Variants in MAPKAP1 observed in about 807,000 individuals in gnomAD.
MAPKAP1 encodes MAPK associated protein 1.
In MAPKAP1, 20 loss-of-function variants were observed where a neutral mutation model predicts 65.7. The observed-to-expected ratio is 0.30, with a 90% CI of 0.21 to 0.44. MAPKAP1 has a LOEUF of 0.44. MAPKAP1 is among the 20% of genes least tolerant of loss of function. MAPKAP1 has a pLI of 1.00. For synonymous variants in MAPKAP1, 222 were observed against 244.3 expected (o/e 0.91, Z 0.85); for missense variants, 423 against 648.0 (o/e 0.65, Z 3.77).
intron 6 of MAPKAP1, among the ~76,000 whole-genome samples, chr9:125,543,761 G>A (rs1026184773): frequency 1.4e-4 from 22 of 152,284 alleles, no homozygotes; most frequent in Middle Eastern, 3.4e-3. Context: ...TTGAACCTAA[G>A]TGGTCTGTGT....
At chr9:125,449,571 T>C (rs1312421046) in intron 10 of MAPKAP1, among the ~76,000 whole-genome samples, 1 of 152,166 alleles carries the variant, frequency 6.6e-6, no homozygotes, top group African/African-American at 2.4e-5. Context: ...AATCTGGATA[T>C]GTAGAACTGT....
At chr9:125,636,538 GCCAGAACAATCA>G (rs1833429853) in intron 4 of MAPKAP1, among the ~76,000 whole-genome samples, 1 of 152,292 alleles carries the variant, frequency 6.6e-6, no homozygotes, top group Admixed American at 6.5e-5. Flanking sequence ...ATCTAATAGT[GCCAGAACAATCA>G]CCATCCTTGA....
At chr9:125,544,934 C>T (rs1830377815) in intron 6 of MAPKAP1, among the ~76,000 whole-genome samples, 1 of 152,216 alleles carries the variant, frequency 6.6e-6, no homozygotes, top group South Asian at 2.1e-4. Flanking sequence ...TAATTTGCTT[C>T]CCTAATACAG....
At chr9:125,455,503 GA>G (rs1311663680) in intron 10 of MAPKAP1, among the ~76,000 whole-genome samples, 1 of 150,912 alleles carries the variant, frequency 6.6e-6, no homozygotes, top group Non-Finnish European at 1.5e-5. Flanking sequence ...CAAGAAGAGA[GA>G]AAAAAAATTT....
At chr9:125,702,020 A>G (rs1835613749) in intron 1 of MAPKAP1, among the ~76,000 whole-genome samples, 1 of 152,254 alleles carries the variant, frequency 6.6e-6, no homozygotes, top group Non-Finnish European at 1.5e-5. Context: ...GTTGGAGTTC[A>G]CAATCAGGCA....
intron 1 of MAPKAP1, among the ~76,000 whole-genome samples, chr9:125,688,241 C>T (rs565933778): frequency 6.6e-6 from 1 of 152,170 alleles, no homozygotes; most frequent in South Asian, 2.1e-4. Flanking sequence ...CAGGTTCAAG[C>T]GATTCTCCTA....
intron 7 of MAPKAP1, among the ~76,000 whole-genome samples, chr9:125,538,984 C>A (rs981918078): frequency 2.6e-5 from 4 of 152,196 alleles, no homozygotes; most frequent in Non-Finnish European, 5.9e-5. Context: ...GTTTACTCCC[C>A]CTCTGCTCCT....
chr9:125,495,623 A>G (rs945437484), intron 8 of MAPKAP1, among the ~76,000 whole-genome samples: 2 of 152,234 alleles, frequency 1.3e-5, no homozygotes, highest in African/African-American at 2.4e-5. Flanking sequence ...TTACTACCTA[A>G]TGATAAAACG....
In MAPKAP1 at chr9:125,519,278, G is replaced by GC. The variant is rs146742969; in HGVS notation, c.959-12862dup. ...GTAGACCACAGAAGCTTCCAGTGCTGCTTAAAGGGGTTGAGCAGGCAAAGG... is the reference window on the plus strand; with the variant it reads ...GTAGACCACAGAAGCTTCCAGTGCTGCCTTAAAGGGGTTGAGCAGGCAAAGG... On this transcript the variant is annotated intron_variant, in intron 7 of 11. Transcript: ENST00000265960. 2.0e-3 allele frequency among the ~76,000 whole-genome samples: 311 copies of GC among 152,278 alleles called. 5 individuals are homozygous for GC. The East Asian group carries it at 0.058, about 29-fold the overall frequency.
chr9:125,651,370 C>T (rs892681199), intron 4 of MAPKAP1, among the ~76,000 whole-genome samples: 3 of 151,984 alleles, frequency 2.0e-5, no homozygotes, highest in South Asian at 2.1e-4. Context: ...TTTGGGAGGC[C>T]GAGGCGGGCA....
intron 7 of MAPKAP1, chr9:125,521,679 A>G: frequency 6.3e-7 from 1 of 1,590,480 alleles, no homozygotes; most frequent in Non-Finnish European, 8.5e-7. Context: ...CATCCAGTCC[A>G]GTACTCAAAA....
chr9:125,559,546 T>C (rs1293805947), intron 6 of MAPKAP1, 87 bp downstream of exon 6: 2 of 1,236,902 alleles, frequency 1.6e-6, no homozygotes, highest in South Asian at 1.4e-5. Context: ...CAAATATCAT[T>C]TATTTGATGA....
In MAPKAP1 at chr9:125,682,655, G is replaced by A. The variant is rs140139486; in HGVS notation, c.-69-10012C>T. Reference sequence around the variant, plus strand: ...CACTTGTGAAAATAAACAATTTTACGTTTTACTTTAAGATCTTGGGTCAAA... The same window carrying A: ...CACTTGTGAAAATAAACAATTTTACATTTTACTTTAAGATCTTGGGTCAAA... On this transcript the variant is annotated intron_variant, in intron 1 of 11. Coordinates refer to ENST00000265960, the MANE Select transcript of MAPKAP1 (RefSeq NM_001006617.3). Among the ~76,000 whole-genome samples the A allele has an allele frequency of 3.8e-3, 581 of 152,206 alleles. 4 individuals carry two copies. Among genetic ancestry groups the A allele is most frequent in the African/African-American group, 0.013 (539 of 41,524 alleles).
intron 5 of MAPKAP1, among the ~76,000 whole-genome samples, chr9:125,569,553 C>G (rs1004023698): frequency 1.2e-4 from 18 of 152,134 alleles, no homozygotes; most frequent in Non-Finnish European, 2.4e-4. Flanking sequence ...ATATCAGCTG[C>G]TTGGCATAAG....
chr9:125,696,761 C>T (rs987121927), intron 1 of MAPKAP1, among the ~76,000 whole-genome samples: 6 of 152,196 alleles, frequency 3.9e-5, no homozygotes, highest in African/African-American at 9.7e-5. Flanking sequence ...AAGCTTCCCC[C>T]GCTTACTTTC....
At chr9:125,501,207 C>A (rs1465365239) in intron 8 of MAPKAP1, among the ~76,000 whole-genome samples, 1 of 152,168 alleles carries the variant, frequency 6.6e-6, no homozygotes, top group Non-Finnish European at 1.5e-5. Flanking sequence ...AATGAATTAC[C>A]CAGAATCTTG....
chr9:125,444,903 T>C (rs991670005), intron 10 of MAPKAP1, among the ~76,000 whole-genome samples: 2 of 152,204 alleles, frequency 1.3e-5, no homozygotes, highest in African/African-American at 4.8e-5. Context: ...AGGTGGCGTT[T>C]TTAAGGGAGA....
chr9:125,665,687 C>T (rs1304078607), intron 3 of MAPKAP1, among the ~76,000 whole-genome samples: 9 of 151,756 alleles, frequency 5.9e-5, no homozygotes, highest in Non-Finnish European at 1.2e-4. Context: ...CCCCCATCTA[C>T]TAAATCAAGA....
At chr9:125,522,346 C>T (rs62570202) in intron 7 of MAPKAP1, among the ~76,000 whole-genome samples, 3,183 of 152,328 alleles carry the variant, frequency 0.021, 49 homozygotes, top group Non-Finnish European at 0.033. Context: ...GACGACACTA[C>T]GATTCACCCA....
Sources: allele counts gnomAD v4.1 joint callset (sites outside exome capture counted in the v4.1 genomes callset), GRCh38; gene constraint gnomAD v4.1.1; transcripts MANE v1.5; gene names NCBI Gene and HGNC (gene_info 2026-07-23, HGNC 2026-07-21).